Variants in CCR3 observed in about 807,000 individuals in gnomAD.
CCR3 encodes C-C motif chemokine receptor 3.
For synonymous variants in CCR3, 203 were observed against 179.2 expected, an observed-to-expected ratio of 1.13 and a Z score of -1.06; for missense variants, 419 against 437.5, an observed-to-expected ratio of 0.96 and a Z score of 0.38.
chr3:46,251,628 A>G (rs927968260), intron 1 of CCR3, among the ~76,000 whole-genome samples: 3 of 152,206 alleles, frequency 2.0e-5, no homozygotes, highest in African/African-American at 7.2e-5. Flanking sequence ...CCTTGTGAAG[A>G]GACCACCAAA....
At chr3:46,233,550 C>T (rs539566317) in intron 2 of CCR3, among the ~76,000 whole-genome samples, 1 of 152,272 alleles carries the variant, frequency 6.6e-6, no homozygotes, top group Admixed American at 6.5e-5. Flanking sequence ...TCCCGCCCCC[C>T]AGAAATGTGT....
chr3:46,258,639 T>G (rs1358647946), intron 1 of CCR3, among the ~76,000 whole-genome samples: 1 of 152,196 alleles, frequency 6.6e-6, no homozygotes, highest in Non-Finnish European at 1.5e-5. Flanking sequence ...CTGTAGACAT[T>G]TATAGGTCAC....
At chr3:46,260,181 C>T (rs1199107023) in intron 1 of CCR3, among the ~76,000 whole-genome samples, 9 of 152,180 alleles carry the variant, frequency 5.9e-5, no homozygotes, top group South Asian at 2.1e-4. Flanking sequence ...GTGTCTCCCA[C>T]GACACATGGG....
At chr3:46,220,937 A>G (rs1699828799) in intron 2 of CCR3, among the ~76,000 whole-genome samples, 1 of 152,222 alleles carries the variant, frequency 6.6e-6, no homozygotes, top group African/African-American at 2.4e-5. Context: ...CCAAAATCTC[A>G]GAAATCACAC....
chr3:46,261,777 G>A (rs1189695827), intron 1 of CCR3, among the ~76,000 whole-genome samples: 1 of 152,228 alleles, frequency 6.6e-6, no homozygotes, highest in East Asian at 1.9e-4. Flanking sequence ...TGGGCAGGGA[G>A]TCAAGGAGCA....
At chr3:46,261,698 A>C (rs562207119) in intron 1 of CCR3, among the ~76,000 whole-genome samples, 1 of 152,338 alleles carries the variant, frequency 6.6e-6, no homozygotes, top group East Asian at 1.9e-4. Flanking sequence ...AGTGCAGTTA[A>C]GTTGGTGGTC....
intron 2 of CCR3, among the ~76,000 whole-genome samples, chr3:46,234,386 C>A (rs1190235821): frequency 6.6e-6 from 1 of 152,000 alleles, no homozygotes; most frequent in East Asian, 1.9e-4. Flanking sequence ...CTCTTGATAC[C>A]CAAGAAAGCC....
intron 1 of CCR3, among the ~76,000 whole-genome samples, chr3:46,254,601 C>T (rs887921754): frequency 2.6e-5 from 4 of 151,808 alleles, no homozygotes; most frequent in African/African-American, 9.7e-5. Flanking sequence ...AGTGTGTACA[C>T]TGTACTCAAT....
chr3:46,240,299 T>C (rs942046283), upstream of CCR3, among the ~76,000 whole-genome samples: 1 of 152,172 alleles, frequency 6.6e-6, no homozygotes, highest in Admixed American at 6.5e-5. Context: ...TGTGTATGTG[T>C]GTATATATAT....
In CCR3 at chr3:46,265,609, G is replaced by A; in HGVS notation, c.451G>A (p.Val151Ile). 1.2e-6 allele frequency: 2 copies of A among 1,614,112 alleles called. No individual in the cohort carries two copies. The highest frequency in any genetic ancestry group is 8.5e-7 in the Non-Finnish European group (1 of 1,180,004). Residue 151 changes from valine (V) to isoleucine (I), a missense_variant, in exon 2 of 2, where the codon GTC becomes ATC. Coordinates refer to ENST00000395940, the MANE Select transcript of CCR3 (RefSeq NM_178329.3). The part of the protein sequence containing the change: ...ALRARTVTFG[V>I]ITSIVTWGLA... ...TCGAGCCCGGACTGTCACTTTTGGT[G>A]TCATCACCAGCATCGTCACCTGGGG...
At chr3:46,230,935 TTG>T (rs1043900081) in intron 2 of CCR3, among the ~76,000 whole-genome samples, 2 of 152,208 alleles carry the variant, frequency 1.3e-5, no homozygotes, top group African/African-American at 4.8e-5. Flanking sequence ...TGTTTTTTGT[TTG>T]TGTTTTTGAA....
chr3:46,259,679 T>C (rs1373314789), intron 1 of CCR3, among the ~76,000 whole-genome samples: 1 of 152,214 alleles, frequency 6.6e-6, no homozygotes, highest in African/African-American at 2.4e-5. Flanking sequence ...CTTTGAGGTT[T>C]TTCCAGAGGC....
intron 1 of CCR3, chr3:46,263,440 G>A (rs41482046): frequency 0.011 from 1,684 of 155,496 alleles, 37 homozygotes; most frequent in African/African-American, 0.038. Context: ...GCTGATGGGA[G>A]CACACACAAA....
chr3:46,238,282 G>A (rs1163433011), upstream of CCR3, among the ~76,000 whole-genome samples: 2 of 151,794 alleles, frequency 1.3e-5, no homozygotes. Context: ...ATTCTAGTAA[G>A]TATGTAGTTG....
At chr3:46,256,252 G>A (rs1700421685) in intron 1 of CCR3, among the ~76,000 whole-genome samples, 1 of 152,032 alleles carries the variant, frequency 6.6e-6, no homozygotes, top group Non-Finnish European at 1.5e-5. Context: ...TATATTTTGT[G>A]TTTCATTTAT....
At chr3:46,253,221 C>T (rs1289068101) in intron 1 of CCR3, among the ~76,000 whole-genome samples, 1 of 152,188 alleles carries the variant, frequency 6.6e-6, no homozygotes, top group African/African-American at 2.4e-5. Flanking sequence ...GTGAATTCCT[C>T]CAGTCACAGC....
At chr3:46,262,977 A>G (rs1700555025) in intron 1 of CCR3, among the ~76,000 whole-genome samples, 1 of 152,196 alleles carries the variant, frequency 6.6e-6, no homozygotes, top group Admixed American at 6.5e-5. Flanking sequence ...TCTGTCTCTG[A>G]TCCCATGCAG....
At chr3:46,232,813 GCTAT>G (rs990007143) in intron 2 of CCR3, among the ~76,000 whole-genome samples, 1 of 152,132 alleles carries the variant, frequency 6.6e-6, no homozygotes, top group Non-Finnish European at 1.5e-5. Flanking sequence ...TGTAGAATAG[GCTAT>G]CTATCAGGGG....
At chr3:46,263,628 A>G (rs571013840) in intron 1 of CCR3, 2 of 152,268 alleles carry the variant, frequency 1.3e-5, no homozygotes, top group East Asian at 3.9e-4. Context: ...CCTGCTTCCT[A>G]CCAGTTTTAC....
Sources: gnomAD v4.1 joint callset for allele counts (sites outside exome capture counted in the v4.1 genomes callset) on GRCh38, gnomAD v4.1.1 for gene constraint, MANE v1.5 for transcripts, NCBI Gene and HGNC (gene_info 2026-07-23, HGNC 2026-07-21) for gene names.